Variants in SYN1 observed in about 807,000 individuals in gnomAD.
SYN1 encodes synapsin I.
In SYN1, 8 loss-of-function variants were observed where a neutral mutation model predicts 44.6. The observed-to-expected ratio is 0.18, with a 90% CI of 0.11 to 0.32. The LOEUF is 0.32. Ranked by LOEUF, SYN1 falls within the 10% of genes least tolerant of loss-of-function variation. The pLI, the probability that SYN1 is intolerant of heterozygous loss-of-function variation, is 1.00. For missense variants in SYN1, 451 were observed against 639.4 expected (o/e 0.71, Z 3.18); for synonymous variants, 275 against 280.1 (o/e 0.98, Z 0.18).
chrX:47,574,141 G>T lies in SYN1; in HGVS notation c.1843C>A (p.Pro615Thr). ...SQAGPVPRTG[P>T]PTTQQPRPSG... ...GGCCGAGGCTGCTGCGTGGTGGGTG[G>T]CCCAGTGCGGGGCACGGGACCCGCC... The change falls in exon 12 of 13, where the codon CCA becomes ACA. Residue 615 changes from proline to threonine, a missense_variant. Coordinates refer to ENST00000295987, the MANE Select transcript of SYN1 (RefSeq NM_006950.3). 9.3e-7 allele frequency: 1 copy of T among 1,075,084 alleles called. No individual in the cohort carries two copies. The allele number at this position is 1,075,084 out of a possible 1,213,427, so 88.6% of individuals were successfully genotyped here.
chrX:47,589,311 A>G (rs1603062174), intron 5 of SYN1, among the ~76,000 whole-genome samples: 1 of 72,934 alleles, frequency 1.4e-5, no homozygotes, highest in Non-Finnish European at 2.6e-5. Context: ...AAAAAAAAAA[A>G]GGCCGGGCAT....
chrX:47,605,196 G>T, intron 4 of SYN1, 27 bp downstream of exon 4: 1 of 1,208,111 alleles, frequency 8.3e-7, no homozygotes, highest in Non-Finnish European at 1.1e-6. Flanking sequence ...TGTTCCCTCT[G>T]CCAGTGGCAC....
In SYN1 at chrX:47,605,441, C is replaced by CA; in HGVS notation, c.528-63dup. The CA allele has an allele frequency of 2.6e-6, 3 of 1,170,743 alleles. No individual in the cohort carries two copies. The Admixed American group carries it at 6.9e-5, about 27-fold the overall frequency. On this transcript the variant is annotated intron_variant, in intron 3 of 12. Transcript: ENST00000295987. ...CAGAAGCTCCCAATCACTCTCGAAACAAAGACCAAGTTTTTAAATCTCCAT... is the reference window on the plus strand; with the variant it reads ...CAGAAGCTCCCAATCACTCTCGAAACAAAAGACCAAGTTTTTAAATCTCCAT...
At chrX:47,610,771 C>T (rs2057914466) in intron 1 of SYN1, among the ~76,000 whole-genome samples, 1 of 110,871 alleles carries the variant, frequency 9.0e-6, no homozygotes, top group African/African-American at 3.3e-5. Context: ...AACAATGGCC[C>T]ACACTAAGTG....
chrX:47,586,609 G>C, intron 5 of SYN1: 1 of 1,212,079 alleles, frequency 8.3e-7, no homozygotes, highest in Non-Finnish European at 1.1e-6. Flanking sequence ...TCTGAAAAGG[G>C]CTTCCAGTCC....
At chrX:47,616,155 C>A (rs2057930624) in intron 1 of SYN1, among the ~76,000 whole-genome samples, 1 of 111,250 alleles carries the variant, frequency 9.0e-6, no homozygotes, top group East Asian at 2.8e-4. Context: ...TAAAACAGGT[C>A]TCTGTTCCCC....
At chrX:47,579,130 C>A (rs892292449) in intron 5 of SYN1, among the ~76,000 whole-genome samples, 1 of 111,691 alleles carries the variant, frequency 9.0e-6, no homozygotes, top group African/African-American at 3.3e-5. Flanking sequence ...AACACACAGG[C>A]ACATGCTCGA....
At chrX:47,573,512 G>C (rs1163031494) in intron 12 of SYN1, among the ~76,000 whole-genome samples, 1 of 110,831 alleles carries the variant, frequency 9.0e-6, no homozygotes, top group Non-Finnish European at 1.9e-5. Flanking sequence ...GATGGGTGAT[G>C]ATTCGCGGGG....
Position 47,574,302 on chromosome X carries a change from G to T in SYN1, c.1682C>A (p.Pro561Gln). ...SPSPQRQAGP[P>Q]QATRQTSVSG... is the part of the protein sequence containing the mutation. ...GACGGATGTCTGACGGGTAGCCTGT[G>T]GGGGGCCCGCCTGGCGCTGGGGAGA... Residue 561 changes from proline to glutamine, a missense_variant, in exon 12 of 13, where the codon CCA becomes CAA. Coordinates refer to ENST00000295987, the MANE Select transcript of SYN1 (RefSeq NM_006950.3). The T allele has an allele frequency of 3.7e-6, 4 of 1,095,771 alleles. No homozygotes were observed. Among genetic ancestry groups the T allele is most frequent in the Non-Finnish European group, 4.7e-6 (4 of 844,626 alleles). The allele number at this position is 1,095,771 out of a possible 1,213,427, so 90.3% of individuals were successfully genotyped here.
intron 12 of SYN1, 99 bp from the exon 13 acceptor site, chrX:47,573,098 G>A (rs2057765173): frequency 3.7e-6 from 4 of 1,068,841 alleles, no homozygotes; most frequent in Non-Finnish European, 5.1e-6. Context: ...CCCCAGCCCT[G>A]CCCCTCTGAT....
chrX:47,584,211 T>G (rs953601195), intron 5 of SYN1, among the ~76,000 whole-genome samples: 4 of 109,359 alleles, frequency 3.7e-5, no homozygotes, highest in African/African-American at 1.0e-4. Context: ...GATCAGGTAT[T>G]GAGGATGATC....
chrX:47,596,103 G>A (rs1220640575), intron 5 of SYN1, among the ~76,000 whole-genome samples: 1 of 112,209 alleles, frequency 8.9e-6, no homozygotes, highest in East Asian at 2.8e-4. Context: ...AACCATTGGA[G>A]GAGGCAGAAC....
rs199939406 is a variant in SYN1, at chrX:47,585,621, G to A, written c.775-8120C>T. On this transcript the variant is annotated intron_variant, in intron 5 of 12. Transcript: ENST00000295987. Reference sequence around the variant, plus strand: ...TGGAACAGCCTGAGCTTAGCTCAGCGCCGGGGCTTCACCAAGACCTACACT... The same window carrying A: ...TGGAACAGCCTGAGCTTAGCTCAGCACCGGGGCTTCACCAAGACCTACACT... The A allele has an allele frequency of 6.0e-5, 71 of 1,174,499 alleles. No individual in the cohort carries two copies. In the East Asian group the frequency reaches 1.9e-3, roughly 31 times the overall value.
At chrX:47,575,320 C>G in intron 9 of SYN1, 46 bp from the exon 10 acceptor site, 1 of 1,193,264 alleles carries the variant, frequency 8.4e-7, no homozygotes, top group Non-Finnish European at 1.1e-6. Context: ...GGCCTCGCAC[C>G]TGAGGCGGCA....
Position 47,574,461 on chromosome X carries a change from A to G in SYN1, c.1523T>C (p.Leu508Pro). The G allele has an allele frequency of 9.4e-7, 1 of 1,062,166 alleles. No individual in the cohort carries two copies. 87.5% of individuals were successfully genotyped at this position (1,062,166 alleles called of 1,213,427 possible). The change falls in exon 12 of 13, where the codon CTT (leucine) becomes CCT (proline). Residue 508 changes from leucine (L) to proline (P), a missense_variant. Leu to Pro is a moderately conservative substitution (Grantham distance 98). Coordinates refer to ENST00000295987, the MANE Select transcript of SYN1 (RefSeq NM_006950.3). ...CTGGGGCGCTGAGGTGGGACTTGGA[A>G]GGCGCTGGGGCAGGGGGCTGCCAGC... ...PPAGSPLPQR[L>P]PSPTSAPQQP... is the part of the protein sequence containing the mutation.
chrX:47,593,350 C>A (rs1394100405), intron 5 of SYN1, among the ~76,000 whole-genome samples: 1 of 107,945 alleles, frequency 9.3e-6, no homozygotes, highest in African/African-American at 3.4e-5. Context: ...GCTCACTCAA[C>A]CTCTGCCTCC....
intron 5 of SYN1, among the ~76,000 whole-genome samples, chrX:47,604,375 C>G (rs1436779384): frequency 9.1e-6 from 1 of 110,484 alleles, no homozygotes; most frequent in African/African-American, 3.3e-5. Context: ...GCCTCAGCCT[C>G]CCAAGTAGCT....
At chrX:47,601,988 T>C (rs1489232155) in intron 5 of SYN1, among the ~76,000 whole-genome samples, 1 of 112,335 alleles carries the variant, frequency 8.9e-6, no homozygotes, top group Non-Finnish European at 1.9e-5. Flanking sequence ...GAAGAAGCAT[T>C]TGACAATGTC....
At position 47,572,627 on chromosome X, in the gene SYN1, G is replaced by A; in HGVS notation, c.*237C>T. The A allele has an allele frequency of 2.5e-6, 1 of 398,577 alleles. No individual in the cohort carries two copies. Among genetic ancestry groups the A allele is most frequent in the Non-Finnish European group, 4.4e-6 (1 of 229,217 alleles). The allele number at this position is 398,577 out of a possible 1,213,427, so 32.8% of individuals were successfully genotyped here. On this transcript the variant is annotated 3_prime_UTR_variant, in exon 13 of 13. Coordinates refer to ENST00000295987, the MANE Select transcript of SYN1 (RefSeq NM_006950.3). ...AGGTTCTAAAACAGAAGTAGATCCT[G>A]AAGTGACCACGAGTGGGGTTCTAAA... is the stretch of plus-strand genomic sequence containing the variant.
Sources: allele counts gnomAD v4.1 joint callset (sites outside exome capture counted in the v4.1 genomes callset), GRCh38; gene constraint gnomAD v4.1.1; transcripts MANE v1.5; gene names NCBI Gene and HGNC (gene_info 2026-07-23, HGNC 2026-07-21).